ARAP2: variants seen among roughly 807,000 people sequenced by gnomAD.
ARAP2 encodes ArfGAP with RhoGAP domain, ankyrin repeat and PH domain 2.
A neutral mutation model predicts 194.5 loss-of-function variants in ARAP2; 148 were observed. That is an observed-to-expected ratio of 0.76 (90% CI 0.67 to 0.87). The LOEUF is 0.87. Among genes scored for constraint, ARAP2 ranks in the 40% least tolerant of loss-of-function variants. ARAP2 has a pLI of 0.00. For synonymous variants in ARAP2, 695 were observed against 683.5 expected (o/e 1.02, Z -0.26); for missense variants, 2,128 against 1,989.7 (o/e 1.07, Z -1.32).
chr4:36,188,911 G>A (rs527391222), intron 7 of ARAP2, among the ~76,000 whole-genome samples: 1 of 152,286 alleles, frequency 6.6e-6, no homozygotes. Flanking sequence ...TATTTAAGGA[G>A]ATACACTATA....
intron 5 of ARAP2, among the ~76,000 whole-genome samples, chr4:36,043,797 A>T (rs1721272580): frequency 2.0e-5 from 1 of 48,782 alleles, no homozygotes; most frequent in African/African-American, 6.2e-5. Context: ...AGAGAAGAGA[A>T]GGGAAGGGAA....
intron 8 of ARAP2, among the ~76,000 whole-genome samples, chr4:36,186,179 T>C (rs1353218844): frequency 6.6e-6 from 1 of 152,170 alleles, no homozygotes; most frequent in Non-Finnish European, 1.5e-5. Context: ...AAGTTGTCCA[T>C]AAAATAAGTT....
At chr4:36,091,174 A>G (rs141564417) in intron 28 of ARAP2, among the ~76,000 whole-genome samples, 82 of 152,240 alleles carry the variant, frequency 5.4e-4, no homozygotes, top group African/African-American at 1.8e-3. Flanking sequence ...AAGCATTAAA[A>G]CAACCTGACA....
chr4:36,083,457 G>C lies in ARAP2; in HGVS notation c.4426-7C>G. On this transcript the variant is annotated splice_polypyrimidine_tract_variant and splice_region_variant and intron_variant, in intron 28 of 32. Coordinates refer to ENST00000303965, the MANE Select transcript of ARAP2 (RefSeq NM_015230.4). The stretch of plus-strand genomic sequence containing the variant: ...TCTTGTCATGTTTACTACTCTGTAA[G>C]GTAAAAAAATAATTTGTAATTAAAT... The C allele has an allele frequency of 6.5e-7, 1 of 1,548,378 alleles. No homozygotes were observed. Among genetic ancestry groups the C allele is most frequent in the South Asian group, 1.2e-5 (1 of 82,986 alleles).
intron 27 of ARAP2, among the ~76,000 whole-genome samples, chr4:36,093,689 G>A (rs1396537321): frequency 1.3e-5 from 2 of 152,068 alleles, no homozygotes; most frequent in Non-Finnish European, 2.9e-5. Context: ...GGTGTGTAAC[G>A]CTGAGGTTTG....
At chr4:36,058,799 T>C (rs1226019542) in intron 1 of ARAP2, among the ~76,000 whole-genome samples, 4 of 152,322 alleles carry the variant, frequency 2.6e-5, no homozygotes, top group South Asian at 2.1e-4. Context: ...TGGAGGTAGA[T>C]CATTAAAATA....
chr4:36,093,210 G>A (rs946779322), intron 27 of ARAP2, among the ~76,000 whole-genome samples: 4 of 152,002 alleles, frequency 2.6e-5, no homozygotes, highest in East Asian at 1.9e-4. Context: ...ATTGGAAGGC[G>A]GAGGGTGGGG....
chr4:36,211,655 T>A (rs938872710), intron 5 of ARAP2, among the ~76,000 whole-genome samples: 1 of 152,088 alleles, frequency 6.6e-6, no homozygotes, highest in African/African-American at 2.4e-5. Flanking sequence ...ATGTTAGCCT[T>A]AGAAAATGAA....
intron 19 of ARAP2, among the ~76,000 whole-genome samples, chr4:36,133,719 T>G (rs1277143170): frequency 6.6e-6 from 1 of 151,820 alleles, no homozygotes; most frequent in African/African-American, 2.4e-5. Context: ...GTTTTAGAAT[T>G]GTCGATTTTA....
chr4:36,089,266 T>A (rs1298887833), intron 28 of ARAP2, among the ~76,000 whole-genome samples: 1 of 152,164 alleles, frequency 6.6e-6, no homozygotes, highest in Non-Finnish European at 1.5e-5. Flanking sequence ...TTCAAAGGTT[T>A]TAAAAACTCA....
chr4:36,201,362 G>A (rs1298566830), intron 6 of ARAP2, among the ~76,000 whole-genome samples: 1 of 152,166 alleles, frequency 6.6e-6, no homozygotes, highest in Non-Finnish European at 1.5e-5. Context: ...CCTGTAGGTA[G>A]TAATAACATT....
rs1719258984 is a variant in ARAP2 at position 36,109,440 on chromosome 4, T to C, written c.4157-1747A>G. Among the ~76,000 whole-genome samples the C allele has an allele frequency of 3.3e-5, 5 of 151,904 alleles. No individual in the cohort carries two copies. The South Asian group carries it at 1.0e-3, about 31-fold the overall frequency. On this transcript the variant is annotated intron_variant, in intron 26 of 32. Coordinates refer to ENST00000303965, the MANE Select transcript of ARAP2 (RefSeq NM_015230.4). ...CAAATTATTGCATTATTTTCTTTGATGGCCCATAAATCAAAAAAACATATT... is the reference window on the plus strand; with the variant it reads ...CAAATTATTGCATTATTTTCTTTGACGGCCCATAAATCAAAAAAACATATT...
chr4:36,089,045 C>T (rs1476851092), intron 28 of ARAP2, among the ~76,000 whole-genome samples: 1 of 151,974 alleles, frequency 6.6e-6, no homozygotes, highest in Middle Eastern at 3.2e-3. Context: ...TGCTGCATAC[C>T]CCCATGTGAC....
At chr4:36,155,284 AG>A (rs1731985426) in intron 15 of ARAP2, among the ~76,000 whole-genome samples, 1 of 152,234 alleles carries the variant, frequency 6.6e-6, no homozygotes, top group African/African-American at 2.4e-5. Flanking sequence ...AAATGGAAAC[AG>A]GATCATCTCC....
At chr4:36,069,092 A>T (rs1014899701) in intron 32 of ARAP2, among the ~76,000 whole-genome samples, 2 of 152,198 alleles carry the variant, frequency 1.3e-5, no homozygotes, top group Non-Finnish European at 2.9e-5. Flanking sequence ...ATAGGAAATG[A>T]TCAATAAATA....
At chr4:36,119,848 A>G (rs1310336018) in intron 23 of ARAP2, 130 bp from the exon 24 acceptor site, 2 of 580,572 alleles carry the variant, frequency 3.4e-6, no homozygotes, top group Non-Finnish European at 2.9e-6. Context: ...CATCGGAATC[A>G]ATATGAGCCC....
rs914800121 is a variant in ARAP2 at position 36,193,490 on chromosome 4, C to G, written c.1557+88G>C. ...AATTCTTTTCATGTTGAGAATCTAC[C>G]TCCTATTCTTAAAAACCAAACTGCT... On this transcript the variant is annotated intron_variant, in intron 7 of 32. Transcript: ENST00000303965. 4.3e-6 allele frequency: 3 copies of G among 696,218 alleles called. No individual in the cohort carries two copies. In the Middle Eastern group the frequency reaches 7.8e-4, roughly 180 times the overall value. The allele number at this position is 696,218 out of a possible 1,614,324, so 43.1% of individuals were successfully genotyped here.
intron 30 of ARAP2, among the ~76,000 whole-genome samples, chr4:36,081,158 A>G (rs1169939902): frequency 6.6e-6 from 1 of 152,184 alleles, no homozygotes; most frequent in Non-Finnish European, 1.5e-5. Flanking sequence ...TGTCCAGGCC[A>G]CAAACCATTC....
chr4:36,098,422 C>T (rs969183238), intron 27 of ARAP2, among the ~76,000 whole-genome samples: 2 of 152,008 alleles, frequency 1.3e-5, no homozygotes, highest in Non-Finnish European at 2.9e-5. Context: ...CAACATACAA[C>T]TGCAGATTCT....
Sources: allele counts gnomAD v4.1 joint callset (sites outside exome capture counted in the v4.1 genomes callset), GRCh38; gene constraint gnomAD v4.1.1; transcripts MANE v1.5; gene names NCBI Gene and HGNC (gene_info 2026-07-23, HGNC 2026-07-21).